Variants in RUFY2 observed in about 807,000 individuals in gnomAD.
RUFY2 encodes the protein RUN and FYVE domain containing 2.
A neutral mutation model predicts 94.4 loss-of-function variants in RUFY2; 49 were observed. The ratio of observed to expected loss-of-function variants is 0.52; its 90% CI spans 0.41 to 0.66. The LOEUF (loss-of-function observed/expected upper bound fraction) is 0.66. RUFY2 is among the 30% of genes least tolerant of loss of function. The pLI, the probability that RUFY2 is intolerant of heterozygous loss-of-function variation, is 0.00. For synonymous variants in RUFY2, 255 were observed against 235.7 expected (o/e 1.08, Z -0.75); for missense variants, 541 against 692.8 (o/e 0.78, Z 2.46).
intron 1 of RUFY2, 66 bp from the exon 2 acceptor site, chr10:68,404,910 T>G: frequency 7.7e-7 from 1 of 1,302,178 alleles, no homozygotes; most frequent in Non-Finnish European, 1.0e-6. Flanking sequence ...ATACAAACCA[T>G]TCCCTTCCCC....
In RUFY2 at chr10:68,355,342, G is replaced by T; in HGVS notation, c.1599+11C>A. ...ACATACCTTCCCACTTTAGGAAAACGTTCTACTCACCTGCAATGCTTTGTT... is the reference window on the plus strand; with the variant it reads ...ACATACCTTCCCACTTTAGGAAAACTTTCTACTCACCTGCAATGCTTTGTT... On this transcript the variant is annotated intron_variant, in intron 16 of 17. Coordinates refer to ENST00000602465, the MANE Select transcript of RUFY2 (RefSeq NM_001330103.2). 1 of 1,602,406 alleles carries T rather than the reference G, an allele frequency of 6.2e-7. No individual in the cohort carries two copies. The highest frequency in any genetic ancestry group is 1.7e-5 in the Admixed American group (1 of 59,510).
chr10:68,379,709 A>G (rs898679528), intron 11 of RUFY2, among the ~76,000 whole-genome samples, 188 bp from the exon 12 acceptor site: 9 of 152,016 alleles, frequency 5.9e-5, no homozygotes, highest in African/African-American at 1.7e-4. Flanking sequence ...CTGAGTATTT[A>G]TAAGTTTCTT....
At chr10:68,346,672 CAT>C (rs2134897609) in intron 16 of RUFY2, 2 of 152,202 alleles carry the variant, frequency 1.3e-5, no homozygotes, top group African/African-American at 4.8e-5. Flanking sequence ...ATAGTAGTTA[CAT>C]ATTTATGGGG....
intron 12 of RUFY2, 30 bp downstream of exon 12, chr10:68,379,394 A>G (rs1416626094): frequency 4.0e-6 from 6 of 1,516,464 alleles, no homozygotes; most frequent in Non-Finnish European, 5.4e-6. Context: ...AAGAAAAGAA[A>G]AAAAGAAACT....
chr10:68,358,318 C>G (rs773400806), intron 15 of RUFY2, among the ~76,000 whole-genome samples: 4 of 152,274 alleles, frequency 2.6e-5, no homozygotes, highest in Non-Finnish European at 4.4e-5. Flanking sequence ...ACTACTGAAG[C>G]AGGACATTAA....
At chr10:68,342,258 T>C (rs1206189665), downstream of RUFY2, 1 of 490,864 alleles carries the variant, frequency 2.0e-6, no homozygotes, top group Non-Finnish European at 3.6e-6. Context: ...TAAAAATAAA[T>C]TTTTATATTC....
downstream of RUFY2, chr10:68,341,734 T>C (rs768596181): frequency 1.3e-6 from 2 of 1,581,612 alleles, no homozygotes; most frequent in Non-Finnish European, 1.7e-6. Context: ...TGAGTCTCAA[T>C]TTTTTTTCTT....
At chr10:68,388,951 G>A (rs1007613454) in intron 7 of RUFY2, among the ~76,000 whole-genome samples, 3 of 152,018 alleles carry the variant, frequency 2.0e-5, no homozygotes, top group South Asian at 2.1e-4. Flanking sequence ...GGAGTGCAGC[G>A]GCACAAACTC....
At chr10:68,359,050 G>A (rs1313229138) in intron 15 of RUFY2, among the ~76,000 whole-genome samples, 1 of 152,052 alleles carries the variant, frequency 6.6e-6, no homozygotes, top group Non-Finnish European at 1.5e-5. Context: ...AAAGAAAGGA[G>A]CATCGGTTAC....
chr10:68,341,550 T>G, downstream of RUFY2: 1 of 1,396,216 alleles, frequency 7.2e-7, no homozygotes, highest in Non-Finnish European at 1.0e-6. Flanking sequence ...CCATCATTCC[T>G]TTCTCCCCTG....
intron 15 of RUFY2, among the ~76,000 whole-genome samples, chr10:68,356,474 C>A (rs2047064528): frequency 6.6e-6 from 1 of 152,052 alleles, no homozygotes; most frequent in African/African-American, 2.4e-5. Context: ...CCACTGCACT[C>A]CAGCCTGGGT....
chr10:68,379,571 T>TGTGTG, intron 11 of RUFY2, 50 bp from the exon 12 acceptor site: 1 of 1,208,344 alleles, frequency 8.3e-7, no homozygotes, highest in Non-Finnish European at 1.2e-6. Flanking sequence ...GTGTGTGTGT[T>TGTGTG]TGTGTGTGTG....
chr10:68,357,871 G>A lies in RUFY2; in HGVS notation c.1551-2470C>T, dbSNP rs117085924. Among the ~76,000 whole-genome samples, 21 of 151,942 alleles carry A rather than the reference G, an allele frequency of 1.4e-4. No individual in the cohort carries two copies. In the East Asian group the frequency reaches 2.9e-3, roughly 21 times the overall value. ...TCTTTCAACTTGTTTCAAATTTTTCGCCACAAAAGTTGTTTATTAAAATTA... is the reference window on the plus strand; with the variant it reads ...TCTTTCAACTTGTTTCAAATTTTTCACCACAAAAGTTGTTTATTAAAATTA... On this transcript the variant is annotated intron_variant, in intron 15 of 17. Transcript: ENST00000602465.
intron 3 of RUFY2, among the ~76,000 whole-genome samples, chr10:68,399,767 T>C (rs1212084862): frequency 1.3e-5 from 2 of 152,200 alleles, no homozygotes; most frequent in African/African-American, 4.8e-5. Context: ...CTGGGCGCTG[T>C]GGCTCACGCC....
intron 4 of RUFY2, among the ~76,000 whole-genome samples, chr10:68,395,049 A>G (rs2050286860): frequency 6.6e-6 from 1 of 151,910 alleles, no homozygotes; most frequent in African/African-American, 2.4e-5. Context: ...ATGAAAAGAA[A>G]AAGTGGCACG....
At chr10:68,363,916 A>G in intron 14 of RUFY2, 68 bp downstream of exon 14, 1 of 1,249,704 alleles carries the variant, frequency 8.0e-7, no homozygotes, top group Non-Finnish European at 1.1e-6. Context: ...AATGTAAATT[A>G]TGATTTATCT....
At chr10:68,393,057 A>C in intron 7 of RUFY2, 81 bp downstream of exon 7, 1 of 629,422 alleles carries the variant, frequency 1.6e-6, no homozygotes, top group Non-Finnish European at 2.6e-6. Flanking sequence ...TCTTAGAAGA[A>C]AGGAATACGG....
At chr10:68,398,296 A>G (rs1358653357) in intron 3 of RUFY2, among the ~76,000 whole-genome samples, 1 of 152,112 alleles carries the variant, frequency 6.6e-6, no homozygotes, top group East Asian at 1.9e-4. Context: ...ATGTTTCTTT[A>G]ATTTGGTTGC....
intron 13 of RUFY2, 27 bp from the exon 14 acceptor site, chr10:68,364,140 C>T (rs891154787): frequency 1.9e-6 from 3 of 1,598,680 alleles, no homozygotes; most frequent in Non-Finnish European, 2.6e-6. Context: ...CACACAGAAG[C>T]TCAGTGCTAT....
Sources: gnomAD v4.1 joint callset for allele counts (sites outside exome capture counted in the v4.1 genomes callset) on GRCh38, gnomAD v4.1.1 for gene constraint, MANE v1.5 for transcripts, NCBI Gene and HGNC (gene_info 2026-07-23, HGNC 2026-07-21) for gene names.